Variants in NID1 observed in about 807,000 individuals in gnomAD.
NID1 encodes nidogen-1.
A neutral mutation model predicts 130.6 loss-of-function variants in NID1; 76 were observed. The observed-to-expected ratio is 0.58, with a 90% confidence interval of 0.48 to 0.70. NID1 has a LOEUF of 0.70. Among genes scored for constraint, NID1 ranks in the 30% least tolerant of loss-of-function variants. The pLI is 0.00. For missense variants in NID1, 1,517 were observed against 1,664.8 expected (o/e 0.91, Z 1.54); for synonymous variants, 665 against 675.1 (o/e 0.98, Z 0.23).
rs75314673 is a variant in NID1 at position 236,004,115 on chromosome 1, C to T, written c.2527+7806G>A. Reference sequence around the variant, plus strand: ...AAGGGAGGGTTGTTGCTGACTTTTACGAGAGCAGTTTGGGTGTTGTGGTGG... The same window carrying T: ...AAGGGAGGGTTGTTGCTGACTTTTATGAGAGCAGTTTGGGTGTTGTGGTGG... On this transcript the variant is annotated intron_variant, in intron 12 of 19. Transcript: ENST00000264187. 8.6e-3 allele frequency among the ~76,000 whole-genome samples: 1,301 copies of T among 151,056 alleles called. 23 individuals are homozygous for T. The highest frequency in any genetic ancestry group is 0.029 in the African/African-American group (1,199 of 41,104).
At chr1:236,056,899 A>T (rs1056726500) in intron 1 of NID1, among the ~76,000 whole-genome samples, 4 of 150,744 alleles carry the variant, frequency 2.7e-5, no homozygotes, top group Non-Finnish European at 4.4e-5. Flanking sequence ...AGGAAAAAAA[A>T]AAACAAAAAC....
rs567049027 is a variant in NID1, at chr1:236,012,482, C to T, written c.2405-439G>A. The stretch of plus-strand genomic sequence containing the variant: ...CTGAGGCAGGAGAATTGCTTGAACC[C>T]GGGAGGTGGAGGTTGCAGTGAGCCA... On this transcript the variant is annotated intron_variant, in intron 11 of 19. Transcript: ENST00000264187. Among the ~76,000 whole-genome samples, 34 of 143,164 alleles carry T rather than the reference C, an allele frequency of 2.4e-4. No individual in the cohort carries two copies. The South Asian group carries it at 3.8e-3, about 16-fold the overall frequency. 93.9% of individuals were successfully genotyped at this position (143,164 alleles called of 152,430 possible). A position where few individuals can be genotyped will look rare whatever the true frequency, so the allele number is the denominator to read the frequency against.
At chr1:236,017,016 C>T in intron 10 of NID1, 132 bp downstream of exon 10, 1 of 1,153,940 alleles carries the variant, frequency 8.7e-7, no homozygotes, top group South Asian at 1.4e-5. Flanking sequence ...AAGTCTGATT[C>T]ATCTTTATAA....
chr1:235,994,995 G>C (rs1572583116), intron 12 of NID1, among the ~76,000 whole-genome samples: 2 of 152,156 alleles, frequency 1.3e-5, no homozygotes, highest in Admixed American at 1.3e-4. Context: ...ACCAACATTT[G>C]TATGTTTTCC....
chr1:236,017,664 G>A (rs929561352), intron 9 of NID1, among the ~76,000 whole-genome samples: 11 of 152,212 alleles, frequency 7.2e-5, no homozygotes, highest in African/African-American at 1.9e-4. Context: ...GATTACAGGC[G>A]TGAGCCACCG....
At chr1:236,017,593 C>T (rs1231231768) in intron 9 of NID1, among the ~76,000 whole-genome samples, 14 of 152,134 alleles carry the variant, frequency 9.2e-5, no homozygotes, top group Non-Finnish European at 7.3e-5. Flanking sequence ...AGCATGTTGG[C>T]CAGGCTGGTC....
rs763627887 is a variant in NID1, at chr1:236,048,807, C to T, written c.408G>A (p.Glu136=). 1.2e-6 allele frequency: 2 copies of T among 1,614,152 alleles called. No homozygotes were observed. The highest frequency in any genetic ancestry group is 1.1e-5 in the South Asian group (1 of 91,072). ...LSPSITQRAA[E]CVHRGFPEIS... ...TCTCCGGGAACCCTCTGTGGACACA[C>T]TCTGCTGCTCGCTGAGTGATGGAGG... The change falls in exon 2 of 20, where the codon GAG becomes GAA. Residue 136 remains glutamate (E), a synonymous_variant. Coordinates refer to ENST00000264187, the MANE Select transcript of NID1 (RefSeq NM_002508.3).
At chr1:235,994,150 A>G (rs941748741) in intron 12 of NID1, among the ~76,000 whole-genome samples, 10 of 152,352 alleles carry the variant, frequency 6.6e-5, no homozygotes, top group African/African-American at 2.2e-4. Context: ...AAATTGATAG[A>G]ACATACAGTG....
At chr1:236,037,519 T>G (rs1440215776) in intron 5 of NID1, among the ~76,000 whole-genome samples, 1 of 151,928 alleles carries the variant, frequency 6.6e-6, no homozygotes, top group South Asian at 2.1e-4. Context: ...TTAGCTGGGT[T>G]TGGTGGCGCA....
intron 5 of NID1, among the ~76,000 whole-genome samples, chr1:236,036,723 T>C (rs1659273146): frequency 6.6e-6 from 1 of 152,156 alleles, no homozygotes. Flanking sequence ...GAATGTGTTA[T>C]CACGGGAATG....
intron 9 of NID1, among the ~76,000 whole-genome samples, chr1:236,022,222 G>A (rs1423004602): frequency 6.6e-6 from 1 of 151,994 alleles, no homozygotes; most frequent in Non-Finnish European, 1.5e-5. Flanking sequence ...AGCCAAGATT[G>A]TGCCACTGCA....
intron 2 of NID1, among the ~76,000 whole-genome samples, chr1:236,048,071 C>T (rs1027722709): frequency 2.2e-5 from 3 of 135,106 alleles, no homozygotes; most frequent in Non-Finnish European, 3.1e-5. Flanking sequence ...TGGTGGCTCA[C>T]GCCTGTAATC....
chr1:236,009,938 T>C (rs775360039), intron 12 of NID1, among the ~76,000 whole-genome samples: 1 of 152,124 alleles, frequency 6.6e-6, no homozygotes, highest in Non-Finnish European at 1.5e-5. Flanking sequence ...CTTTGTCCCA[T>C]CTTTAGATTC....
chr1:235,980,653 C>T lies in NID1; in HGVS notation c.3228G>A (p.Gly1076=), dbSNP rs1284637976. The T allele has an allele frequency of 1.2e-6, 2 of 1,609,846 alleles. No homozygotes were observed. Among genetic ancestry groups the T allele is most frequent in the African/African-American group, 1.3e-5 (1 of 74,636 alleles). ...PRGIVTDSVR[G]NLYWTDWNRD... The stretch of plus-strand genomic sequence containing the variant: ...TGTTCCAGTCTGTCCAGTAAAGGTT[C>T]CTGGAGGAGGAAAAAGGGGGGAAAG... The change falls in exon 17 of 20, where the codon GGG becomes GGA. Residue 1076 remains glycine, a splice_region_variant and synonymous_variant. Coordinates refer to ENST00000264187, the MANE Select transcript of NID1 (RefSeq NM_002508.3).
At chr1:236,059,607 A>G (rs1180063737) in intron 1 of NID1, among the ~76,000 whole-genome samples, 1 of 152,232 alleles carries the variant, frequency 6.6e-6, no homozygotes, top group Non-Finnish European at 1.5e-5. Context: ...AGTGATCCCC[A>G]TTAACCCCAC....
rs757012880 is a variant in NID1 at position 236,064,963 on chromosome 1, G to A, written c.117C>T (p.Pro39=). The A allele has an allele frequency of 7.5e-6, 12 of 1,595,606 alleles. No individual in the cohort carries two copies. In the East Asian group the frequency reaches 1.4e-4, roughly 18 times the overall value. ...CCTCCAGCTCCAGGTCCCCCTGTCC[G>A]GGGCCGAAGGGAAAGAGCTCCTGGC... ...LSRQELFPFG[P]GQGDLELEDG... Residue 39 remains proline, a synonymous_variant, in exon 1 of 20, where the codon CCC becomes CCT. Transcript: ENST00000264187.
At chr1:236,064,710 C>T in intron 1 of NID1, 145 bp downstream of exon 1, 2 of 710,860 alleles carry the variant, frequency 2.8e-6, no homozygotes, top group African/African-American at 1.9e-5. Context: ...CCTGCAGAGG[C>T]GGGAGACCCT....
intron 1 of NID1, among the ~76,000 whole-genome samples, chr1:236,059,798 A>T (rs775684609): frequency 1.2e-4 from 18 of 152,218 alleles, no homozygotes; most frequent in Non-Finnish European, 2.5e-4. Flanking sequence ...TTTATTAAGA[A>T]AGTAAAGGAA....
At chr1:236,002,245 G>A (rs1005436427) in intron 12 of NID1, among the ~76,000 whole-genome samples, 5 of 152,208 alleles carry the variant, frequency 3.3e-5, no homozygotes, top group African/African-American at 9.6e-5. Context: ...GCTCACGCCT[G>A]TAATCCCAGC....
Sources: allele counts gnomAD v4.1 joint callset (sites outside exome capture counted in the v4.1 genomes callset), GRCh38; gene constraint gnomAD v4.1.1; transcripts MANE v1.5; gene names NCBI Gene and HGNC (gene_info 2026-07-23, HGNC 2026-07-21).